Variants in TPP2 observed in about 807,000 individuals in gnomAD.
TPP2 encodes tripeptidyl peptidase 2, also known as tripeptidyl-peptidase 2.
Under a neutral mutation model 155.9 loss-of-function variants are expected in TPP2, and 34 were observed. That is an observed-to-expected ratio of 0.22 (90% CI 0.17 to 0.29). TPP2 has a LOEUF of 0.29. Ranked by LOEUF, TPP2 falls within the 10% of genes least tolerant of loss-of-function variation. The pLI is 1.00. For missense variants in TPP2, 1,028 were observed against 1,522.3 expected (o/e 0.68, Z 5.40); for synonymous variants, 510 against 529.4 (o/e 0.96, Z 0.50).
intron 1 of TPP2, among the ~76,000 whole-genome samples, chr13:102,602,162 T>C (rs535312856): frequency 6.6e-6 from 1 of 152,342 alleles, no homozygotes; most frequent in South Asian, 2.1e-4. Context: ...CATTTTAAAA[T>C]AGGTGATTTT....
In TPP2 at chr13:102,622,888, A is replaced by T; in HGVS notation, c.632A>T (p.Asp211Val). 1.2e-6 allele frequency: 2 copies of T among 1,610,150 alleles called. No homozygotes were observed. Among genetic ancestry groups the T allele is most frequent in the South Asian group, 2.2e-5 (2 of 89,988 alleles). ...TTTTTAATTAATAGAGCCTGCATTGATTCTAATGAAGATGGGGACTTGAGT... is the reference window on the plus strand; with the variant it reads ...TTTTTAATTAATAGAGCCTGCATTGTTTCTAATGAAGATGGGGACTTGAGT... ...HDGEVWRACI[D>V]SNEDGDLSKS... is the part of the protein sequence containing the mutation. Residue 211 changes from aspartate to valine, a missense_variant, in exon 6 of 30, where the codon GAT (aspartate) becomes GTT (valine). This residue lies in a region of TPP2 where 300 missense variants were observed against 398.3 expected (regional missense o/e 0.75). Coordinates refer to ENST00000376052, the MANE Select transcript of TPP2 (RefSeq NM_001330588.2).
intron 26 of TPP2, 54 bp from the exon 27 acceptor site, chr13:102,664,741 T>G (rs1179920591): frequency 1.0e-5 from 16 of 1,547,900 alleles, no homozygotes; most frequent in Non-Finnish European, 1.4e-5. Context: ...GTGAAATTGC[T>G]TTCGTATACT....
intron 6 of TPP2, among the ~76,000 whole-genome samples, chr13:102,624,162 A>T (rs1268410136): frequency 6.6e-6 from 1 of 152,232 alleles, no homozygotes; most frequent in African/African-American, 2.4e-5. Flanking sequence ...GAATAGTACT[A>T]TGCAGTGTTT....
intron 4 of TPP2, among the ~76,000 whole-genome samples, chr13:102,616,886 A>G (rs2139445952): frequency 6.6e-6 from 1 of 151,578 alleles, no homozygotes; most frequent in South Asian, 2.1e-4. Context: ...GTAAAATGGA[A>G]CCATATAGTA....
chr13:102,663,354 G>A (rs1389930481), intron 25 of TPP2, among the ~76,000 whole-genome samples: 2 of 152,102 alleles, frequency 1.3e-5, no homozygotes, highest in Admixed American at 6.5e-5. Flanking sequence ...CACCATGTTG[G>A]CCAGGATGGT....
At chr13:102,609,392 C>CTTTT (rs34845674) in intron 2 of TPP2, among the ~76,000 whole-genome samples, 3,472 of 79,770 alleles carry the variant, frequency 0.044, 237 homozygotes, top group Middle Eastern at 0.068. Context: ...AAGTGCCATG[C>CTTTT]TTTTTTTTTT....
intron 5 of TPP2, among the ~76,000 whole-genome samples, chr13:102,620,306 T>C (rs1881060977): frequency 6.6e-6 from 1 of 152,238 alleles, no homozygotes; most frequent in East Asian, 1.9e-4. Context: ...TAATCTAACA[T>C]TAAGTGAAAT....
chr13:102,659,912 T>C (rs548194862), intron 25 of TPP2, among the ~76,000 whole-genome samples: 1 of 152,358 alleles, frequency 6.6e-6, no homozygotes, highest in South Asian at 2.1e-4. Flanking sequence ...AAATGTAATA[T>C]TCTGTAATAT....
Position 102,674,426 on chromosome 13 carries a change from C to G in TPP2, c.3515C>G (p.Pro1172Arg). The change falls in exon 28 of 30, where the codon CCT becomes CGT. Residue 1172 changes from proline (P) to arginine (R), a missense_variant. Physicochemically the swap from Pro to Arg is moderately radical, Grantham distance 103. This residue lies in a region of TPP2 where 116 missense variants were observed against 117.3 expected (regional missense o/e 0.99). Transcript: ENST00000376052. ...GGAAAGGAGGAGGAAGGAGAAAGTCCTTTGGATTCTCTGGCAGAAACATTT... is the reference window on the plus strand; with the variant it reads ...GGAAAGGAGGAGGAAGGAGAAAGTCGTTTGGATTCTCTGGCAGAAACATTT... ...AEGKEEEGES[P>R]LDSLAETFWE... The G allele has an allele frequency of 6.2e-7, 1 of 1,613,872 alleles. No homozygotes were observed. The highest frequency in any genetic ancestry group is 2.2e-5 in the East Asian group (1 of 44,870).
intron 27 of TPP2, chr13:102,667,668 T>G: frequency 2.5e-6 from 2 of 794,642 alleles, no homozygotes; most frequent in Non-Finnish European, 3.0e-6. Flanking sequence ...GAATTTAGAT[T>G]ACGTGATAAG....
Position 102,627,956 on chromosome 13 carries a change from G to A in TPP2, c.1016+32G>A, listed in dbSNP as rs762837380. ...GTTCCTTGACAGTTGTTTAGCCATAGAACCTTAGCCAGTGAAGAGTATGAG... is the reference window on the plus strand; with the variant it reads ...GTTCCTTGACAGTTGTTTAGCCATAAAACCTTAGCCAGTGAAGAGTATGAG... On this transcript the variant is annotated intron_variant, in intron 8 of 29. Coordinates refer to ENST00000376052, the MANE Select transcript of TPP2 (RefSeq NM_001330588.2). 3.7e-5 allele frequency: 57 copies of A among 1,559,534 alleles called. 1 individual carries two copies. The South Asian group carries it at 5.8e-4, about 16-fold the overall frequency.
intron 14 of TPP2, 151 bp from the exon 15 acceptor site, chr13:102,638,088 T>G: frequency 1.5e-6 from 1 of 656,926 alleles, no homozygotes; most frequent in Non-Finnish European, 2.6e-6. Flanking sequence ...TGCTATTAAT[T>G]ATGTGACCTA....
At chr13:102,605,436 G>A (rs1879747668) in intron 2 of TPP2, among the ~76,000 whole-genome samples, 1 of 152,192 alleles carries the variant, frequency 6.6e-6, no homozygotes, top group Non-Finnish European at 1.5e-5. Flanking sequence ...ACACACTTAA[G>A]GGGAAGGGAT....
Position 102,648,997 on chromosome 13 carries a change from C to G in TPP2, c.2719C>G (p.Pro907Ala). Residue 907 changes from proline to alanine, a missense_variant, in exon 22 of 30, where the codon CCA becomes GCA. Pro to Ala is a conservative substitution (Grantham distance 27). Around this residue, in one of 7 missense-constraint regions of TPP2, gnomAD observed 179 missense variants for 274.7 expected, o/e 0.65. Transcript: ENST00000376052. Reference protein sequence around the residue: ...ISDLERLKDLPFIVSHRLSNT... With the variant: ...ISDLERLKDLAFIVSHRLSNT... ...TGATTTGGAACGCCTTAAAGACCTTCCATTTATTGTTTCTCATAGATTGTC... is the reference window on the plus strand; with the variant it reads ...TGATTTGGAACGCCTTAAAGACCTTGCATTTATTGTTTCTCATAGATTGTC... 6.2e-7 allele frequency: 1 copy of G among 1,613,832 alleles called. No homozygotes were observed. Among genetic ancestry groups the G allele is most frequent in the Non-Finnish European group, 8.5e-7 (1 of 1,179,926 alleles).
intron 2 of TPP2, among the ~76,000 whole-genome samples, chr13:102,608,420 T>C (rs1170764892): frequency 1.3e-5 from 2 of 152,160 alleles, no homozygotes; most frequent in Non-Finnish European, 2.9e-5. Flanking sequence ...CTCCGTTGTT[T>C]TGCTGTTTTT....
rs548762648 is a variant in TPP2 at position 102,669,847 on chromosome 13, G to T, written c.3372-4436G>T. ...CAGTGAGCTGTGGGCCCAAATGTAT[G>T]TAATAAAAATAGGATGTGTACATTG... On this transcript the variant is annotated intron_variant, in intron 27 of 29. Transcript: ENST00000376052. Among the ~76,000 whole-genome samples, 21 of 152,256 alleles carry T rather than the reference G, an allele frequency of 1.4e-4. No homozygotes were observed. The South Asian group carries it at 4.4e-3, about 32-fold the overall frequency.
intron 27 of TPP2, among the ~76,000 whole-genome samples, chr13:102,669,618 C>T (rs1038755481): frequency 1.3e-5 from 2 of 152,158 alleles, no homozygotes; most frequent in African/African-American, 4.8e-5. Context: ...CTAGGGTTAA[C>T]ACCTGTTGAA....
chr13:102,666,344 T>A (rs1884595065), intron 27 of TPP2, among the ~76,000 whole-genome samples: 1 of 152,168 alleles, frequency 6.6e-6, no homozygotes, highest in Non-Finnish European at 1.5e-5. Context: ...AACTCAGTAT[T>A]ATCTCACAGA....
At chr13:102,647,702 C>T (rs1566354985) in intron 21 of TPP2, among the ~76,000 whole-genome samples, 2 of 152,106 alleles carry the variant, frequency 1.3e-5, no homozygotes. Context: ...TTGAAATGAT[C>T]CTAAGTCTGA....
Sources: allele counts gnomAD v4.1 joint callset (sites outside exome capture counted in the v4.1 genomes callset), GRCh38; gene constraint gnomAD v4.1.1; regional missense constraint gnomAD v4.1.1; transcripts MANE v1.5; gene names NCBI Gene and HGNC (gene_info 2026-07-23, HGNC 2026-07-21).